PPP1R9A: variants seen among roughly 807,000 people sequenced by gnomAD.
The protein encoded by PPP1R9A is neurabin-1.
PPP1R9A carries 59 observed loss-of-function variants against 141.9 expected under a neutral mutation model. The ratio of observed to expected loss-of-function variants is 0.42; its 90% CI spans 0.34 to 0.52. The LOEUF (loss-of-function observed/expected upper bound fraction) is 0.52, where lower values mean the gene tolerates loss of function less well. PPP1R9A is among the 20% of genes least tolerant of loss of function. PPP1R9A has a pLI of 0.10. For missense variants in PPP1R9A, 1,444 were observed against 1,611.9 expected (o/e 0.90, Z 1.78); for synonymous variants, 500 against 569.7 (o/e 0.88, Z 1.74).
chr7:95,099,544 G>T (rs544300218), intron 2 of PPP1R9A, among the ~76,000 whole-genome samples: 10 of 152,016 alleles, frequency 6.6e-5, no homozygotes, highest in Non-Finnish European at 1.3e-4. Flanking sequence ...CGCTAATTTA[G>T]GTTTAATTGT....
intron 2 of PPP1R9A, among the ~76,000 whole-genome samples, chr7:95,073,847 G>A (rs1469375682): frequency 6.6e-6 from 1 of 151,806 alleles, no homozygotes. Flanking sequence ...CTCCCAAAGT[G>A]CTGAGATTAT....
At chr7:95,245,465 C>T (rs1309867527) in intron 8 of PPP1R9A, among the ~76,000 whole-genome samples, 7 of 152,072 alleles carry the variant, frequency 4.6e-5, no homozygotes, top group African/African-American at 9.7e-5. Context: ...TTAGTCTTCC[C>T]GTGTCTAAAA....
intron 5 of PPP1R9A, among the ~76,000 whole-genome samples, chr7:95,184,891 C>A (rs1439663634): frequency 6.6e-6 from 1 of 151,896 alleles, no homozygotes; most frequent in East Asian, 1.9e-4. Flanking sequence ...TTAGGGTGTT[C>A]TATCTTTTTG....
intron 2 of PPP1R9A, among the ~76,000 whole-genome samples, chr7:94,959,005 A>T (rs1439172718): frequency 2.6e-5 from 4 of 151,996 alleles, no homozygotes; most frequent in Non-Finnish European, 4.4e-5. Context: ...GTAGGAATAA[A>T]ATTTTCATTT....
chr7:95,183,690 AC>A (rs1834213440), intron 5 of PPP1R9A, among the ~76,000 whole-genome samples: 1 of 150,274 alleles, frequency 6.7e-6, no homozygotes, highest in African/African-American at 2.4e-5. Context: ...TTCGTGGTCC[AC>A]CCGCCTCGGG....
In PPP1R9A at chr7:95,054,984, A is replaced by C. The variant is rs141328928; in HGVS notation, c.1396-56275A>C. ...ACGTGATCAATTCCTGATGAATTAT[A>C]TGTCATGGTGTTAAAAACAAAGTTA... On this transcript the variant is annotated intron_variant, in intron 2 of 19. Transcript: ENST00000433360. Among the ~76,000 whole-genome samples, 117 of 152,304 alleles carry C rather than the reference A, an allele frequency of 7.7e-4. 2 individuals are homozygous for C. The highest frequency in any genetic ancestry group is 2.0e-3 in the Admixed American group (31 of 15,298).
intron 2 of PPP1R9A, among the ~76,000 whole-genome samples, chr7:94,996,728 A>G (rs116878333): frequency 0.032 from 4,655 of 146,478 alleles, 106 homozygotes; most frequent in South Asian, 0.058. Flanking sequence ...TCACTCTTCC[A>G]TTTTTGTTAG....
intron 2 of PPP1R9A, among the ~76,000 whole-genome samples, chr7:95,049,238 A>C (rs957149173): frequency 6.6e-6 from 1 of 152,204 alleles, no homozygotes; most frequent in Non-Finnish European, 1.5e-5. Flanking sequence ...TTAAAATTTC[A>C]GGGATTAAGA....
intron 7 of PPP1R9A, among the ~76,000 whole-genome samples, chr7:95,205,336 C>T (rs1392433235): frequency 6.6e-6 from 1 of 152,174 alleles, no homozygotes; most frequent in East Asian, 1.9e-4. Flanking sequence ...TTATCAAATT[C>T]TTCCATGTAA....
chr7:94,968,168 CCTT>C (rs1033336135), intron 2 of PPP1R9A, among the ~76,000 whole-genome samples: 51 of 151,946 alleles, frequency 3.4e-4, no homozygotes, highest in African/African-American at 1.2e-3. Context: ...TATGTAATGC[CCTT>C]CTTTGTCTCT....
intron 2 of PPP1R9A, among the ~76,000 whole-genome samples, chr7:95,091,337 C>CTTTTTTTT (rs555627706): frequency 1.1e-4 from 8 of 75,988 alleles, no homozygotes; most frequent in Non-Finnish European, 1.9e-4. Flanking sequence ...TGTTTTAACT[C>CTTTTTTTT]TTTTTTTTTT....
At chr7:95,058,571 G>T (rs1465708018) in intron 2 of PPP1R9A, among the ~76,000 whole-genome samples, 1 of 152,120 alleles carries the variant, frequency 6.6e-6, no homozygotes, top group East Asian at 1.9e-4. Flanking sequence ...AGAGAGGCAG[G>T]AAGAAGACGA....
Position 95,205,109 on chromosome 7 carries a change from T to C in PPP1R9A, c.1956+1379T>C, listed in dbSNP as rs1790505371. Among the ~76,000 whole-genome samples the C allele has an allele frequency of 2.6e-5, 4 of 152,140 alleles. No individual in the cohort carries two copies. The South Asian group carries it at 8.3e-4, about 32-fold the overall frequency. ...TAGAAATATTCTTCATATATGGAGATGTTATTTTTTAATACACTGTGTACA... is the reference window on the plus strand; with the variant it reads ...TAGAAATATTCTTCATATATGGAGACGTTATTTTTTAATACACTGTGTACA... On this transcript the variant is annotated intron_variant, in intron 7 of 19. Transcript: ENST00000433360.
intron 2 of PPP1R9A, among the ~76,000 whole-genome samples, chr7:94,992,180 C>T (rs550377534): frequency 5.9e-5 from 9 of 152,292 alleles, no homozygotes; most frequent in East Asian, 1.9e-4. Flanking sequence ...ACTACTGATA[C>T]GCTTCCTGTC....
chr7:94,967,799 T>C (rs1156727106), intron 2 of PPP1R9A, among the ~76,000 whole-genome samples: 3 of 152,162 alleles, frequency 2.0e-5, no homozygotes, highest in Non-Finnish European at 4.4e-5. Flanking sequence ...TTCCATTCTT[T>C]TACATTTTTT....
At chr7:95,102,478 C>A (rs559374587) in intron 2 of PPP1R9A, among the ~76,000 whole-genome samples, 1 of 152,256 alleles carries the variant, frequency 6.6e-6, no homozygotes, top group Non-Finnish European at 1.5e-5. Flanking sequence ...ATCGATCCTA[C>A]CTTCTTGCAC....
At chr7:95,077,317 T>C (rs1388670906) in intron 2 of PPP1R9A, among the ~76,000 whole-genome samples, 1 of 152,200 alleles carries the variant, frequency 6.6e-6, no homozygotes. Flanking sequence ...TTATATAATC[T>C]GTGATTTTTA....
intron 9 of PPP1R9A, 69 bp from the exon 10 acceptor site, chr7:95,249,957 T>G (rs1192392549): frequency 6.8e-7 from 1 of 1,475,746 alleles, no homozygotes; most frequent in Admixed American, 2.8e-5. Context: ...TACAACATGC[T>G]ATAAAAATGA....
intron 3 of PPP1R9A, among the ~76,000 whole-genome samples, chr7:95,116,640 A>G (rs1285728434): frequency 6.6e-6 from 1 of 152,194 alleles, no homozygotes; most frequent in Non-Finnish European, 1.5e-5. Context: ...CTGCCAACAA[A>G]GTTGGGTTGG....
Sources: gnomAD v4.1 joint callset for allele counts (sites outside exome capture counted in the v4.1 genomes callset) on GRCh38, gnomAD v4.1.1 for gene constraint, MANE v1.5 for transcripts, NCBI Gene and HGNC (gene_info 2026-07-23, HGNC 2026-07-21) for gene names.